WDR27: variants seen among roughly 807,000 people sequenced by gnomAD.
The protein encoded by WDR27 is WD repeat domain 27.
In WDR27, 100 loss-of-function variants were observed where a neutral mutation model predicts 114.4. The observed-to-expected ratio is 0.87, with a 90% CI of 0.74 to 1.03. The LOEUF is 1.03. Ranked by LOEUF, WDR27 falls within the 50% of genes least tolerant of loss-of-function variation. The pLI, the probability that WDR27 is intolerant of heterozygous loss-of-function variation, is 0.00. For synonymous variants in WDR27, 449 were observed against 423.1 expected, an observed-to-expected ratio of 1.06 and a Z score of -0.75; for missense variants, 1,129 against 1,092.9, an observed-to-expected ratio of 1.03 and a Z score of -0.47.
Position 169,701,865 on chromosome 6 carries a change from A to T in WDR27, c.-322T>A. 1 of 339,750 alleles carries T rather than the reference A, an allele frequency of 2.9e-6. No homozygotes were observed. 21.0% of individuals were successfully genotyped at this position (339,750 alleles called of 1,614,324 possible). On this transcript the variant is annotated 5_prime_UTR_variant, in exon 1 of 26. Transcript: ENST00000448612. ...GCGCCCTAGGCACACGCCCCAGAGCAGCAGCTCGGGTTCGGCGCCGACTCC... is the reference window on the plus strand; with the variant it reads ...GCGCCCTAGGCACACGCCCCAGAGCTGCAGCTCGGGTTCGGCGCCGACTCC...
intron 25 of WDR27, among the ~76,000 whole-genome samples, chr6:169,543,284 A>C (rs1316520149): frequency 8.5e-5 from 13 of 152,136 alleles, no homozygotes; most frequent in Admixed American, 7.8e-4. Context: ...GCACATAGGC[A>C]AAGTTCTAGA....
At chr6:169,675,152 T>G (rs994383853) in intron 2 of WDR27, among the ~76,000 whole-genome samples, 2 of 152,170 alleles carry the variant, frequency 1.3e-5, no homozygotes, top group Admixed American at 6.5e-5. Flanking sequence ...AAATCCCACG[T>G]TGAGATGTAA....
At chr6:169,504,674 G>C (rs186369539) in intron 25 of WDR27, among the ~76,000 whole-genome samples, 77 of 152,114 alleles carry the variant, frequency 5.1e-4, no homozygotes, top group African/African-American at 1.7e-3. Context: ...AGTGGCGTGA[G>C]CTTGGCTCAC....
At position 169,662,437 on chromosome 6, in the gene WDR27, T is replaced by G. The variant is rs1478239939; in HGVS notation, c.905-13A>C. 1 of 1,613,226 alleles carries G rather than the reference T, an allele frequency of 6.2e-7. No individual in the cohort carries two copies. The highest frequency in any genetic ancestry group is 1.1e-5 in the South Asian group (1 of 91,016). On this transcript the variant is annotated splice_polypyrimidine_tract_variant and intron_variant, in intron 8 of 25. Coordinates refer to ENST00000448612, the MANE Select transcript of WDR27 (RefSeq NM_182552.5). ...AGCTGGCTTTCTTCTAGGGACAGAATTATTGAGAATCTAAGAAGTGAACTT... is the reference window on the plus strand; with the variant it reads ...AGCTGGCTTTCTTCTAGGGACAGAAGTATTGAGAATCTAAGAAGTGAACTT...
intron 1 of WDR27, among the ~76,000 whole-genome samples, chr6:169,697,223 A>G (rs1786355162): frequency 6.6e-6 from 1 of 152,164 alleles, no homozygotes; most frequent in African/African-American, 2.4e-5. Context: ...GGCCACACAG[A>G]GATAGGAGCT....
intron 21 of WDR27, among the ~76,000 whole-genome samples, chr6:169,624,720 G>T (rs1246835049): frequency 6.6e-6 from 1 of 152,194 alleles, no homozygotes; most frequent in African/African-American, 2.4e-5. Context: ...CCACTGAGAA[G>T]AGAGCTCACC....
Position 169,656,555 on chromosome 6 carries a change from G to A in WDR27, c.1402+1721C>T, listed in dbSNP as rs752189097. The stretch of plus-strand genomic sequence containing the variant: ...GGCGGCTTGTGGGGTCCAGGAAGAC[G>A]AAGAGGTTCGGGGGGCTGAGAACGA... On this transcript the variant is annotated intron_variant, in intron 13 of 25. Transcript: ENST00000448612. 5.3e-5 allele frequency among the ~76,000 whole-genome samples: 8 copies of A among 152,166 alleles called. No individual in the cohort carries two copies. In the East Asian group the frequency reaches 5.8e-4, roughly 11 times the overall value.
At chr6:169,464,970 A>C (rs1402954550) in intron 25 of WDR27, among the ~76,000 whole-genome samples, 1 of 149,494 alleles carries the variant, frequency 6.7e-6, no homozygotes, top group East Asian at 2.0e-4. Flanking sequence ...TAAAAATACA[A>C]AATTAGCTGG....
rs950433717 is a variant in WDR27, at chr6:169,664,895, G to A, written c.783+591C>T. 1.1e-5 allele frequency: 11 copies of A among 984,084 alleles called. No individual in the cohort carries two copies. In the African/African-American group the frequency reaches 1.9e-4, roughly 17 times the overall value. 61.0% of individuals were successfully genotyped at this position (984,084 alleles called of 1,614,324 possible). On this transcript the variant is annotated intron_variant, in intron 7 of 25. Transcript: ENST00000448612. ...GGAGCCGTCCAGGGCGCCTCTCCGGGGCGCGGGCAGCGTGCGGGCACGGGG... is the reference window on the plus strand; with the variant it reads ...GGAGCCGTCCAGGGCGCCTCTCCGGAGCGCGGGCAGCGTGCGGGCACGGGG...
chr6:169,666,807 GT>G (rs1827948834), intron 6 of WDR27: 4 of 1,035,072 alleles, frequency 3.9e-6, no homozygotes, highest in South Asian at 8.6e-5. Flanking sequence ...AACACCGCTG[GT>G]TCTGGGATGT....
chr6:169,480,351 G>A (rs896034177), intron 25 of WDR27, among the ~76,000 whole-genome samples: 10 of 152,162 alleles, frequency 6.6e-5, no homozygotes, highest in South Asian at 4.1e-4. Flanking sequence ...CACGTGGCCC[G>A]AGCCTCCCTG....
Position 169,665,475 on chromosome 6 carries a change from G to A in WDR27, c.783+11C>T. ...TCTGGGAACTGGAACTTAACTCTGTGGCTGTCTCACCTGGCCGTCAGCACA... is the reference window on the plus strand; with the variant it reads ...TCTGGGAACTGGAACTTAACTCTGTAGCTGTCTCACCTGGCCGTCAGCACA... On this transcript the variant is annotated intron_variant, in intron 7 of 25. Transcript: ENST00000448612. The A allele has an allele frequency of 1.2e-6, 2 of 1,611,202 alleles. No individual in the cohort carries two copies. The highest frequency in any genetic ancestry group is 1.3e-5 in the African/African-American group (1 of 74,852).
intron 25 of WDR27, among the ~76,000 whole-genome samples, chr6:169,530,506 C>G (rs1185737769): frequency 6.6e-6 from 1 of 152,216 alleles, no homozygotes; most frequent in African/African-American, 2.4e-5. Flanking sequence ...CTCTGCTCCT[C>G]AGTATGCATG....
At chr6:169,688,245 GATTA>G (rs1199737544) in intron 2 of WDR27, among the ~76,000 whole-genome samples, 1 of 152,126 alleles carries the variant, frequency 6.6e-6, no homozygotes, top group African/African-American at 2.4e-5. Flanking sequence ...TAAACATGCT[GATTA>G]ATCAAAGAAA....
rs555224829 is a variant in WDR27 at position 169,694,181 on chromosome 6, G to A, written c.-7-5169C>T. ...AAATTAGCCGGGCGTGGTGGCAGAC[G>A]CCTGTAAGCCCAGCTACTCAGGAGG... is the stretch of plus-strand genomic sequence containing the variant. On this transcript the variant is annotated intron_variant, in intron 1 of 25. Transcript: ENST00000448612. Among the ~76,000 whole-genome samples, 4 of 152,150 alleles carry A rather than the reference G, an allele frequency of 2.6e-5. No homozygotes were observed. In the South Asian group the frequency reaches 6.2e-4, roughly 24 times the overall value.
chr6:169,603,667 G>A (rs1380432054), intron 22 of WDR27, among the ~76,000 whole-genome samples: 1 of 152,222 alleles, frequency 6.6e-6, no homozygotes, highest in Non-Finnish European at 1.5e-5. Flanking sequence ...AGAGGCCATA[G>A]AGAGCAGTGG....
chr6:169,692,087 G>A (rs943650794), intron 1 of WDR27, among the ~76,000 whole-genome samples: 6 of 151,532 alleles, frequency 4.0e-5, no homozygotes, highest in African/African-American at 1.5e-4. Flanking sequence ...CACCCCCACT[G>A]GGGAATCTAA....
At chr6:169,639,306 G>A (rs563655256) in intron 17 of WDR27, among the ~76,000 whole-genome samples, 3 of 152,100 alleles carry the variant, frequency 2.0e-5, no homozygotes, top group Non-Finnish European at 2.9e-5. Flanking sequence ...GTAAAACCTC[G>A]CATTTCTTAA....
chr6:169,643,176 G>T (rs1334991919), intron 17 of WDR27, among the ~76,000 whole-genome samples: 1 of 152,144 alleles, frequency 6.6e-6, no homozygotes, highest in Non-Finnish European at 1.5e-5. Flanking sequence ...GCCATATCAG[G>T]ATCCTAATGA....
Sources: allele counts gnomAD v4.1 joint callset (sites outside exome capture counted in the v4.1 genomes callset), GRCh38; gene constraint gnomAD v4.1.1; transcripts MANE v1.5; gene names NCBI Gene and HGNC (gene_info 2026-07-23, HGNC 2026-07-21).